The following PSEN1 variants were observed in gnomAD, a reference collection of about 807,000 sequenced individuals.
PSEN1 encodes presenilin 1.
In PSEN1, 15 loss-of-function variants were observed where a neutral mutation model predicts 53.5. That is an observed-to-expected ratio of 0.28 (90% CI 0.19 to 0.43). The LOEUF (loss-of-function observed/expected upper bound fraction) is 0.43. Among genes scored for constraint, PSEN1 ranks in the 20% least tolerant of loss-of-function variants. PSEN1 has a pLI of 1.00. For synonymous variants in PSEN1, 208 were observed against 209.8 expected (o/e 0.99, Z 0.08); for missense variants, 387 against 571.2 (o/e 0.68, Z 3.29).
In PSEN1 at chr14:73,223,643, AT is replaced by A. The variant is rs2140157006; in HGVS notation, c.*4356del. 1 of 152,306 alleles carries A rather than the reference AT, an allele frequency of 6.6e-6. No homozygotes were observed. The highest frequency in any genetic ancestry group is 6.5e-5 in the Admixed American group (1 of 15,300). The allele number at this position is 152,306 out of a possible 1,614,324, so 9.4% of individuals were successfully genotyped here. A position where few individuals can be genotyped will look rare whatever the true frequency, so the allele number is the denominator to read the frequency against. ...TGGTAAGATATAATTTTGATAGCTG[AT>A]TGCAGATTTTCTGTATTTGTCAGAT... On this transcript the variant is annotated 3_prime_UTR_variant, in exon 12 of 12. Coordinates refer to ENST00000324501, the MANE Select transcript of PSEN1 (RefSeq NM_000021.4).
chr14:73,184,508 G>A (rs1454560813), intron 5 of PSEN1, among the ~76,000 whole-genome samples: 4 of 125,548 alleles, frequency 3.2e-5, no homozygotes, highest in Admixed American at 7.6e-5. Flanking sequence ...GCGGCTGGCC[G>A]GGCGGGGGGC....
chr14:73,207,584 C>T (rs1037295517), intron 9 of PSEN1, among the ~76,000 whole-genome samples: 1 of 152,210 alleles, frequency 6.6e-6, no homozygotes, highest in African/African-American at 2.4e-5. Flanking sequence ...AGATGTGAGT[C>T]TTTATTATAC....
At chr14:73,199,514 A>G (rs1899091678) in intron 8 of PSEN1, among the ~76,000 whole-genome samples, 1 of 152,220 alleles carries the variant, frequency 6.6e-6, no homozygotes, top group Non-Finnish European at 1.5e-5. Context: ...GGGTATCCTC[A>G]TTGATAGACA....
chr14:73,174,270 C>A (rs1897981488), intron 5 of PSEN1: 1 of 160,090 alleles, frequency 6.2e-6, no homozygotes, highest in South Asian at 1.8e-4. Context: ...GCCCTGTCAC[C>A]CAGGCTGGAG....
chr14:73,196,201 A>G (rs1949046994), intron 7 of PSEN1, among the ~76,000 whole-genome samples: 1 of 152,178 alleles, frequency 6.6e-6, no homozygotes, highest in Non-Finnish European at 1.5e-5. Flanking sequence ...AAATAAGCAG[A>G]TTTATCATTT....
intron 5 of PSEN1, among the ~76,000 whole-genome samples, chr14:73,185,650 A>G (rs1397977855): frequency 6.6e-6 from 1 of 152,128 alleles, no homozygotes; most frequent in African/African-American, 2.4e-5. Flanking sequence ...GCTTAAAACA[A>G]TTTTTAAGAT....
At chr14:73,213,954 T>C (rs1424610280) in intron 10 of PSEN1, among the ~76,000 whole-genome samples, 4 of 152,212 alleles carry the variant, frequency 2.6e-5, no homozygotes, top group African/African-American at 7.2e-5. Context: ...AAAGATTAAA[T>C]ATGACCCGGT....
intron 3 of PSEN1, among the ~76,000 whole-genome samples, chr14:73,161,426 A>G (rs1176014098): frequency 6.6e-6 from 1 of 152,174 alleles, no homozygotes; most frequent in Non-Finnish European, 1.5e-5. Flanking sequence ...GTTTCATTGT[A>G]CAGGATATTT....
chr14:73,177,736 C>A (rs1566632764), intron 5 of PSEN1, among the ~76,000 whole-genome samples: 1 of 152,156 alleles, frequency 6.6e-6, no homozygotes, highest in Non-Finnish European at 1.5e-5. Context: ...AAAAATCAGT[C>A]ATTCGAATCA....
At chr14:73,196,807 A>C (rs1207915188) in intron 7 of PSEN1, among the ~76,000 whole-genome samples, 1 of 152,108 alleles carries the variant, frequency 6.6e-6, no homozygotes, top group Non-Finnish European at 1.5e-5. Flanking sequence ...AATGCATTTA[A>C]GTGACAATAA....
chr14:73,178,651 A>G (rs1324929382), intron 5 of PSEN1, among the ~76,000 whole-genome samples: 1 of 152,166 alleles, frequency 6.6e-6, no homozygotes, highest in Non-Finnish European at 1.5e-5. Context: ...AAACCTATTC[A>G]GTAAAATGTT....
chr14:73,174,304 G>T (rs1176786407), intron 5 of PSEN1: 1 of 156,318 alleles, frequency 6.4e-6, no homozygotes, highest in Middle Eastern at 3.1e-3. Context: ...CACGATTTTG[G>T]CTCACTGCAG....
chr14:73,215,512 G>A (rs1326640311), intron 10 of PSEN1, among the ~76,000 whole-genome samples: 2 of 151,562 alleles, frequency 1.3e-5, no homozygotes, highest in African/African-American at 4.9e-5. Flanking sequence ...GAAATCGGGA[G>A]GTGGAGGTTT....
chr14:73,147,998 G>A lies in PSEN1; in HGVS notation c.-22G>A, dbSNP rs771695417. 9.4e-6 allele frequency: 15 copies of A among 1,589,724 alleles called. No individual in the cohort carries two copies. The East Asian group carries it at 3.3e-4, about 35-fold the overall frequency. ...AAGAGGCTTTGTTTTCTGTGAAACA[G>A]TATTTCTATACAGTTGCTCCAATGA... On this transcript the variant is annotated 5_prime_UTR_variant, in exon 3 of 12. Transcript: ENST00000324501.
chr14:73,189,235 T>C (rs1898625922), intron 6 of PSEN1, among the ~76,000 whole-genome samples: 2 of 152,250 alleles, frequency 1.3e-5, no homozygotes, highest in Admixed American at 6.5e-5. Context: ...AATGATTGTT[T>C]ACTTTGTTTT....
At chr14:73,155,409 A>G (rs1897326055) in intron 3 of PSEN1, among the ~76,000 whole-genome samples, 1 of 152,220 alleles carries the variant, frequency 6.6e-6, no homozygotes, top group South Asian at 2.1e-4. Flanking sequence ...CCTAGCACAT[A>G]CTTGTTCAAT....
At chr14:73,217,864 T>C (rs7148656) in intron 11 of PSEN1, among the ~76,000 whole-genome samples, 2,155 of 149,272 alleles carry the variant, frequency 0.014, 57 homozygotes, top group African/African-American at 0.05. Flanking sequence ...TCTCGGCTCA[T>C]TGCAACCTCT....
intron 6 of PSEN1, 84 bp from the exon 7 acceptor site, chr14:73,192,560 G>A: frequency 5.2e-6 from 5 of 959,164 alleles, no homozygotes; most frequent in Non-Finnish European, 6.8e-6. Context: ...AATATCTAAT[G>A]TTTGGGAGCC....
At chr14:73,199,985 G>A (rs745891286) in intron 8 of PSEN1, among the ~76,000 whole-genome samples, 4 of 152,080 alleles carry the variant, frequency 2.6e-5, no homozygotes, top group African/African-American at 4.8e-5. Flanking sequence ...GACTTCAGGT[G>A]ATCCGCCTGC....
Sources: allele counts gnomAD v4.1 joint callset (sites outside exome capture counted in the v4.1 genomes callset), GRCh38; gene constraint gnomAD v4.1.1; transcripts MANE v1.5; gene names NCBI Gene and HGNC (gene_info 2026-07-23, HGNC 2026-07-21).